Variants in MCTP1 observed in about 807,000 individuals in gnomAD.
MCTP1 encodes the protein multiple C2 and transmembrane domain containing 1.
MCTP1 carries 69 observed loss-of-function variants against 120.6 expected under a neutral mutation model. The observed-to-expected ratio is 0.57, with a 90% CI of 0.47 to 0.70. The LOEUF (loss-of-function observed/expected upper bound fraction) is 0.70, where lower values mean the gene tolerates loss of function less well. MCTP1 is among the 30% of genes least tolerant of loss of function. MCTP1 has a pLI of 0.00. For synonymous variants in MCTP1, 529 were observed against 493.1 expected (o/e 1.07, Z -0.96); for missense variants, 1,203 against 1,248.8 (o/e 0.96, Z 0.55).
intron 2 of MCTP1, among the ~76,000 whole-genome samples, chr5:94,968,465 T>C (rs988530068): frequency 3.3e-5 from 5 of 152,190 alleles, no homozygotes; most frequent in African/African-American, 1.2e-4. Context: ...ATAGGGAAAT[T>C]ACACGTTTTC....
At chr5:95,187,050 A>G (rs998803941) in intron 1 of MCTP1, among the ~76,000 whole-genome samples, 1 of 152,224 alleles carries the variant, frequency 6.6e-6, no homozygotes, top group African/African-American at 2.4e-5. Flanking sequence ...GAGGTTGCTT[A>G]AAAAACTAAA....
intron 12 of MCTP1, 26 bp from the exon 13 acceptor site, chr5:94,873,267 T>C (rs1389588010): frequency 5.8e-6 from 8 of 1,374,074 alleles, no homozygotes; most frequent in Non-Finnish European, 8.3e-6. Flanking sequence ...GGTAAATATT[T>C]TTAGTGTACA....
At chr5:95,046,156 C>T (rs1373179866) in intron 1 of MCTP1, among the ~76,000 whole-genome samples, 3 of 152,280 alleles carry the variant, frequency 2.0e-5, no homozygotes, top group Non-Finnish European at 2.9e-5. Flanking sequence ...CAATCCAGTA[C>T]TCCATGGATC....
intron 17 of MCTP1, among the ~76,000 whole-genome samples, chr5:94,812,026 A>G (rs1175401055): frequency 6.6e-6 from 1 of 152,190 alleles, no homozygotes; most frequent in Non-Finnish European, 1.5e-5. Context: ...CACGGTACTG[A>G]TGTACAATTC....
chr5:94,965,194 T>G (rs546253681), intron 2 of MCTP1, among the ~76,000 whole-genome samples: 1 of 152,166 alleles, frequency 6.6e-6, no homozygotes, highest in Non-Finnish European at 1.5e-5. Context: ...TCTCCTTCAT[T>G]TCTGAAGGAA....
chr5:95,210,790 C>T (rs1225494260), intron 1 of MCTP1, among the ~76,000 whole-genome samples: 2 of 152,058 alleles, frequency 1.3e-5, no homozygotes, highest in African/African-American at 2.4e-5. Context: ...TACATTTTGG[C>T]ATGATTTTGC....
At chr5:94,946,226 C>T (rs927794967) in intron 3 of MCTP1, among the ~76,000 whole-genome samples, 1 of 152,112 alleles carries the variant, frequency 6.6e-6, no homozygotes, top group African/African-American at 2.4e-5. Context: ...AATGGCCTGC[C>T]AGGACATCCA....
chr5:95,160,667 C>A (rs1289050722), intron 1 of MCTP1, among the ~76,000 whole-genome samples: 1 of 152,060 alleles, frequency 6.6e-6, no homozygotes, highest in African/African-American at 2.4e-5. Flanking sequence ...AGTGAAGAGA[C>A]AAACCATGGA....
intron 1 of MCTP1, among the ~76,000 whole-genome samples, chr5:95,154,040 G>T (rs1284860572): frequency 6.6e-6 from 1 of 152,160 alleles, no homozygotes; most frequent in Non-Finnish European, 1.5e-5. Context: ...ATTCCTTTAT[G>T]ATAAAATACA....
intron 2 of MCTP1, among the ~76,000 whole-genome samples, chr5:94,973,482 A>G (rs575043017): frequency 6.6e-6 from 1 of 152,226 alleles, no homozygotes; most frequent in South Asian, 2.1e-4. Context: ...TTTGACGGGG[A>G]AGATGAGTTA....
At chr5:95,060,798 C>T (rs941636189) in intron 1 of MCTP1, among the ~76,000 whole-genome samples, 2 of 151,958 alleles carry the variant, frequency 1.3e-5, no homozygotes, top group African/African-American at 2.4e-5. Flanking sequence ...ATGGCAAAAC[C>T]CTGTCTCTAC....
At chr5:94,926,368 C>T (rs1348726423) in intron 6 of MCTP1, among the ~76,000 whole-genome samples, 3 of 152,042 alleles carry the variant, frequency 2.0e-5, no homozygotes, top group Non-Finnish European at 2.9e-5. Flanking sequence ...ACAATTTTGG[C>T]CACTTAAGAG....
chr5:94,976,960 G>T (rs964419341), intron 2 of MCTP1, among the ~76,000 whole-genome samples: 1 of 152,058 alleles, frequency 6.6e-6, no homozygotes, highest in Non-Finnish European at 1.5e-5. Flanking sequence ...CATAGGACTA[G>T]AAGTCCTATC....
intron 17 of MCTP1, among the ~76,000 whole-genome samples, chr5:94,827,250 A>T (rs576210178): frequency 6.6e-6 from 1 of 152,276 alleles, no homozygotes; most frequent in East Asian, 1.9e-4. Flanking sequence ...CTGGATATGA[A>T]ATTCTGGATT....
At chr5:94,889,951 A>G (rs1802213016) in intron 11 of MCTP1, among the ~76,000 whole-genome samples, 1 of 152,116 alleles carries the variant, frequency 6.6e-6, no homozygotes, top group Non-Finnish European at 1.5e-5. Context: ...CTCCAAGAAA[A>G]ATTTTCATCT....
intron 6 of MCTP1, among the ~76,000 whole-genome samples, chr5:94,926,422 T>C (rs1037533629): frequency 4.6e-5 from 7 of 152,196 alleles, no homozygotes; most frequent in Non-Finnish European, 1.0e-4. Context: ...GTATATAAAC[T>C]TTCCTGGTCA....
At chr5:95,215,617 T>C (rs1348700546) in intron 1 of MCTP1, among the ~76,000 whole-genome samples, 1 of 152,180 alleles carries the variant, frequency 6.6e-6, no homozygotes, top group African/African-American at 2.4e-5. Flanking sequence ...TTTTTAGCCT[T>C]GTTATTTTTT....
intron 5 of MCTP1, among the ~76,000 whole-genome samples, chr5:94,933,221 A>C (rs1415112811): frequency 2.0e-5 from 3 of 151,800 alleles, no homozygotes; most frequent in African/African-American, 7.2e-5. Flanking sequence ...ACTGCAAAGC[A>C]CTGTTATCAA....
chr5:95,183,025 CA>C (rs554887788), intron 1 of MCTP1, among the ~76,000 whole-genome samples: 46,147 of 102,164 alleles, frequency 0.45, 7,107 homozygotes, highest in Middle Eastern at 0.5. Flanking sequence ...GACTCCGTCT[CA>C]AAAAAAAAAA....
Sources: allele counts gnomAD v4.1 joint callset (sites outside exome capture counted in the v4.1 genomes callset), GRCh38; gene constraint gnomAD v4.1.1; transcripts MANE v1.5; gene names NCBI Gene and HGNC (gene_info 2026-07-23, HGNC 2026-07-21).